The following CHEK1 variants were observed in gnomAD, a reference collection of about 807,000 sequenced individuals.
The protein encoded by CHEK1 is checkpoint kinase 1.
Under a neutral mutation model 60.2 loss-of-function variants are expected in CHEK1, and 32 were observed. That is an observed-to-expected ratio of 0.53 (90% confidence interval 0.40 to 0.71). The LOEUF (loss-of-function observed/expected upper bound fraction) is 0.71. Among genes scored for constraint, CHEK1 ranks in the 30% least tolerant of loss-of-function variants. The pLI is 0.00. For missense variants in CHEK1, 399 were observed against 564.6 expected (o/e 0.71, Z 2.97); for synonymous variants, 179 against 187.2 (o/e 0.96, Z 0.36).
Position 125,627,848 on chromosome 11 carries a change from G to T in CHEK1, c.289+18G>T. 1 of 1,483,274 alleles carries T rather than the reference G, an allele frequency of 6.7e-7. No homozygotes were observed. Among genetic ancestry groups the T allele is most frequent in the Non-Finnish European group, 9.1e-7 (1 of 1,102,166 alleles). The allele number at this position is 1,483,274 out of a possible 1,614,324, so 91.9% of individuals were successfully genotyped here. ...CAGAATAGGTATGGAAGAAATTTAAGATAATTATTTTAAACAAGTTTTTAA... is the reference window on the plus strand; with the variant it reads ...CAGAATAGGTATGGAAGAAATTTAATATAATTATTTTAAACAAGTTTTTAA... On this transcript the variant is annotated intron_variant, in intron 3 of 12. Coordinates refer to ENST00000438015, the MANE Select transcript of CHEK1 (RefSeq NM_001114122.3).
chr11:125,641,508 C>A (rs1941304315), intron 8 of CHEK1, among the ~76,000 whole-genome samples: 1 of 152,162 alleles, frequency 6.6e-6, no homozygotes, highest in African/African-American at 2.4e-5. Context: ...CCTCTGAATT[C>A]CAAACTTACA....
At chr11:125,642,426 G>GT (rs1421613547) in intron 8 of CHEK1, among the ~76,000 whole-genome samples, 4 of 151,852 alleles carry the variant, frequency 2.6e-5, no homozygotes, top group Non-Finnish European at 4.4e-5. Flanking sequence ...AAGGTCAAGA[G>GT]TTTTTTTTCT....
At position 125,627,594 on chromosome 11, in the gene CHEK1, T is replaced by A. The variant is rs1227857486; in HGVS notation, c.66-13T>A. 6.3e-7 allele frequency: 1 copy of A among 1,595,444 alleles called. No homozygotes were observed. Among genetic ancestry groups the A allele is most frequent in the East Asian group, 2.2e-5 (1 of 44,700 alleles). On this transcript the variant is annotated splice_polypyrimidine_tract_variant and intron_variant, in intron 2 of 12. Transcript: ENST00000438015. ...ATGGAATTCTGTAATGTTAAAACTC[T>A]TTTCCTTTTTAGAGTTCAACTTGCT...
downstream of CHEK1, among the ~76,000 whole-genome samples, chr11:125,679,650 A>C (rs1942706452): frequency 6.6e-6 from 1 of 152,234 alleles, no homozygotes; most frequent in Non-Finnish European, 1.5e-5. Context: ...AGTAGACTAC[A>C]ACAACCAAGT....
downstream of CHEK1, chr11:125,680,626 ATTGG>A: frequency 2.9e-6 from 3 of 1,028,064 alleles, no homozygotes; most frequent in Non-Finnish European, 4.4e-6. Flanking sequence ...TCTGACTCAG[ATTGG>A]TTTGGGTGAC....
chr11:125,652,401 C>T (rs1173495986), intron 11 of CHEK1, among the ~76,000 whole-genome samples: 1 of 152,220 alleles, frequency 6.6e-6, no homozygotes, highest in Non-Finnish European at 1.5e-5. Flanking sequence ...CTAATTGCCG[C>T]TCTAGCTTTT....
In CHEK1 at chr11:125,668,117, A is replaced by T. The variant is rs1412346441; in HGVS notation, c.*28-7811A>T. Among the ~76,000 whole-genome samples the T allele has an allele frequency of 3.9e-5, 6 of 152,228 alleles. 1 individual carries two copies. Among genetic ancestry groups the T allele is most frequent in the African/African-American group, 1.4e-4 (6 of 41,462 alleles). ...ACAGAAATGAGGGTATTTAACATTG[A>T]TATAACACTATTGTCTAGTTCAAGG... On this transcript the variant is annotated intron_variant, in intron 13 of 13. Transcript: ENST00000428830.
At chr11:125,640,040 A>G (rs3731437) in intron 8 of CHEK1, among the ~76,000 whole-genome samples, 113 of 152,208 alleles carry the variant, frequency 7.4e-4, no homozygotes, top group African/African-American at 2.6e-3. Context: ...ACTTTTCCCT[A>G]CCATTCCATC....
chr11:125,666,390 G>T (rs1316128083), intron 13 of CHEK1, among the ~76,000 whole-genome samples: 2 of 151,902 alleles, frequency 1.3e-5, no homozygotes, highest in African/African-American at 4.8e-5. Flanking sequence ...TGACTTTTTT[G>T]AATTTCTTGA....
intron 13 of CHEK1, among the ~76,000 whole-genome samples, chr11:125,668,824 T>C (rs7950121): frequency 0.02 from 2,971 of 152,304 alleles, 95 homozygotes; most frequent in African/African-American, 0.068. Flanking sequence ...CCTAAAGTTC[T>C]GAGATTACAG....
chr11:125,666,512 A>G (rs553918104), intron 13 of CHEK1, among the ~76,000 whole-genome samples: 1 of 152,224 alleles, frequency 6.6e-6, no homozygotes, highest in African/African-American at 2.4e-5. Context: ...TGTCTGTTAG[A>G]TCTGTTTGGT....
rs146590504 is a variant in CHEK1 at position 125,655,285 on chromosome 11, G to A, written c.1396G>A (p.Val466Met). The A allele has an allele frequency of 4.3e-6, 7 of 1,613,670 alleles. No homozygotes were observed. The highest frequency in any genetic ancestry group is 5.9e-6 in the Non-Finnish European group (7 of 1,179,722). The change falls in exon 13 of 13, where the codon GTG becomes ATG. Residue 466 changes from valine to methionine, a missense_variant. Val to Met is a conservative substitution (Grantham distance 21, BLOSUM62 1). Coordinates refer to ENST00000438015, the MANE Select transcript of CHEK1 (RefSeq NM_001114122.3). ...LKIKGKLIDI[V>M]SSQKIWLPAT ...GATTAAAGGGAAGCTGATTGATATT[G>A]TGAGCAGCCAGAAGATTTGGCTTCC...
Position 125,653,984 on chromosome 11 carries a change from T to C in CHEK1, c.1335+137T>C. On this transcript the variant is annotated intron_variant, in intron 12 of 12. Transcript: ENST00000438015. This position sits in a 1 kb window ranked among gnomAD's most constrained non-coding sequence, Gnocchi z 4.3. The stretch of plus-strand genomic sequence containing the variant: ...TCGTTTAATATTATGAGCATGTGTT[T>C]TCGTTATCTATTTTTCCCGAACATT... 1.9e-6 allele frequency: 1 copy of C among 523,532 alleles called. No homozygotes were observed. The allele number at this position is 523,532 out of a possible 1,614,324, so 32.4% of individuals were successfully genotyped here.
chr11:125,628,357 A>G (rs1286458528), intron 3 of CHEK1, among the ~76,000 whole-genome samples: 7 of 152,206 alleles, frequency 4.6e-5, no homozygotes, highest in Non-Finnish European at 1.0e-4. Context: ...ATATTTCAGA[A>G]CACTGAGAAG....
chr11:125,634,236 C>G (rs1940977829), intron 6 of CHEK1, among the ~76,000 whole-genome samples: 1 of 152,070 alleles, frequency 6.6e-6, no homozygotes, highest in Non-Finnish European at 1.5e-5. Flanking sequence ...CTCAAGTGAT[C>G]CCCCAACCTC....
At chr11:125,645,058 G>T (rs1941447904) in intron 11 of CHEK1, among the ~76,000 whole-genome samples, 1 of 152,128 alleles carries the variant, frequency 6.6e-6, no homozygotes, top group South Asian at 2.1e-4. Context: ...ATTTGAAAAA[G>T]AAACTATTTA....
At chr11:125,636,587 CT>C (rs1298612641) in intron 7 of CHEK1, among the ~76,000 whole-genome samples, 1 of 152,032 alleles carries the variant, frequency 6.6e-6, no homozygotes, top group Non-Finnish European at 1.5e-5. Context: ...AGGAAAAAAA[CT>C]TTAAATAATA....
rs1462903790 is a variant in CHEK1, at chr11:125,643,793, G to T, written c.816G>T (p.Gly272=). 1.2e-6 allele frequency: 2 copies of T among 1,609,028 alleles called. No homozygotes were observed. Among genetic ancestry groups the T allele is most frequent in the East Asian group, 4.5e-5 (2 of 44,840 alleles). The part of the protein sequence containing the change: ...DRWYNKPLKK[G]AKRPRVTSGG... ...ATTTGTATTTGTTTTCTTTTTTAGGGGCAAAAAGGCCCCGAGTCACTTCAG... is the reference window on the plus strand; with the variant it reads ...ATTTGTATTTGTTTTCTTTTTTAGGTGCAAAAAGGCCCCGAGTCACTTCAG... Residue 272 remains glycine, a splice_region_variant and synonymous_variant, in exon 9 of 13, where the codon GGG becomes GGT. Transcript: ENST00000438015.
intron 13 of CHEK1, among the ~76,000 whole-genome samples, chr11:125,667,308 T>C (rs544181215): frequency 6.6e-6 from 1 of 152,348 alleles, no homozygotes; most frequent in African/African-American, 2.4e-5. Flanking sequence ...CCTCCTGCTC[T>C]ATCCATGTTG....
Sources: gnomAD v4.1 joint callset for allele counts (sites outside exome capture counted in the v4.1 genomes callset) on GRCh38, gnomAD v4.1.1 for gene constraint, Gnocchi (gnomAD v3.1) non-coding constraint, MANE v1.5 for transcripts, NCBI Gene and HGNC (gene_info 2026-07-23, HGNC 2026-07-21) for gene names.